Variants in PBX3 observed in about 807,000 individuals in gnomAD.
The protein encoded by PBX3 is PBX homeobox 3.
Under a neutral mutation model 48.5 loss-of-function variants are expected in PBX3, and 14 were observed. The ratio of observed to expected loss-of-function variants is 0.29; its 90% CI spans 0.19 to 0.45. The LOEUF (loss-of-function observed/expected upper bound fraction) is 0.45. Among genes scored for constraint, PBX3 ranks in the 20% least tolerant of loss-of-function variants. The pLI is 1.00. For synonymous variants in PBX3, 210 were observed against 200.3 expected, an observed-to-expected ratio of 1.05 and a Z score of -0.41; for missense variants, 386 against 546.7, an observed-to-expected ratio of 0.71 and a Z score of 2.93.
intron 5 of PBX3, 65 bp downstream of exon 5, chr9:125,935,672 G>A: frequency 4.3e-6 from 6 of 1,400,638 alleles, no homozygotes; most frequent in African/African-American, 1.4e-5. Context: ...CCTTCCTCAG[G>A]GCATTATTAT....
At chr9:125,779,882 CG>C (rs1338583145) in intron 2 of PBX3, among the ~76,000 whole-genome samples, 2 of 120,152 alleles carry the variant, frequency 1.7e-5, no homozygotes, top group Non-Finnish European at 3.5e-5. Flanking sequence ...GCTGGCCGGG[CG>C]GGGGGCTGAC....
intron 2 of PBX3, among the ~76,000 whole-genome samples, chr9:125,832,320 C>G (rs559801768): frequency 6.6e-6 from 1 of 151,950 alleles, no homozygotes; most frequent in Non-Finnish European, 1.5e-5. Context: ...CTCAGCCTCC[C>G]GAGTAGCTGG....
intron 2 of PBX3, among the ~76,000 whole-genome samples, chr9:125,847,004 T>C (rs1839442567): frequency 6.6e-6 from 1 of 152,028 alleles, no homozygotes; most frequent in Admixed American, 6.6e-5. Flanking sequence ...TGGTATAGTT[T>C]AACATGTTCT....
intron 3 of PBX3, among the ~76,000 whole-genome samples, chr9:125,920,108 CAA>C (rs1841425209): frequency 6.6e-6 from 1 of 152,100 alleles, no homozygotes. Context: ...CAAAAGGAAA[CAA>C]AACTATTTTA....
chr9:125,880,891 A>G (rs1276090343), intron 2 of PBX3, among the ~76,000 whole-genome samples: 1 of 152,236 alleles, frequency 6.6e-6, no homozygotes, highest in Non-Finnish European at 1.5e-5. Flanking sequence ...TAGAAATAAA[A>G]AACTGTCTTA....
intron 5 of PBX3, among the ~76,000 whole-genome samples, chr9:125,956,861 G>T (rs1378743973): frequency 6.6e-6 from 1 of 152,178 alleles, no homozygotes; most frequent in Non-Finnish European, 1.5e-5. Context: ...GTTCAGAGAT[G>T]GAGCAAGCTC....
intron 2 of PBX3, among the ~76,000 whole-genome samples, chr9:125,872,551 G>A (rs1336101501): frequency 6.6e-6 from 1 of 152,006 alleles, no homozygotes; most frequent in East Asian, 1.9e-4. Context: ...GTCCAGCTGG[G>A]AATTCCAGAC....
intron 2 of PBX3, 180 bp downstream of exon 2, chr9:125,748,803 C>T (rs554905807): frequency 4.7e-5 from 24 of 512,138 alleles, no homozygotes; most frequent in African/African-American, 3.8e-4. Context: ...TTTCTCAGTT[C>T]TGCTCCTGGT....
At chr9:125,836,387 G>A (rs1380148231) in intron 2 of PBX3, among the ~76,000 whole-genome samples, 1 of 152,128 alleles carries the variant, frequency 6.6e-6, no homozygotes, top group Non-Finnish European at 1.5e-5. Context: ...GGAGCTTGCA[G>A]TGAGCCGAGA....
At chr9:125,780,697 A>C (rs867062039) in intron 2 of PBX3, among the ~76,000 whole-genome samples, 53 of 44,924 alleles carry the variant, frequency 1.2e-3, no homozygotes, top group South Asian at 3.9e-3. Context: ...GGGGCTGACC[A>C]CCCCCACCTC....
intron 2 of PBX3, among the ~76,000 whole-genome samples, chr9:125,835,974 GAA>G (rs1839122190): frequency 6.6e-6 from 1 of 152,156 alleles, no homozygotes; most frequent in Admixed American, 6.5e-5. Context: ...AATGGATAAA[GAA>G]AATGTGATAC....
At chr9:125,842,625 A>G (rs555106775) in intron 2 of PBX3, among the ~76,000 whole-genome samples, 23 of 152,280 alleles carry the variant, frequency 1.5e-4, no homozygotes, top group African/African-American at 4.1e-4. Flanking sequence ...TTAGGAGAGA[A>G]CAGTTGAAGT....
chr9:125,749,471 A>G (rs1263312785), intron 2 of PBX3: 6 of 151,896 alleles, frequency 4.0e-5, no homozygotes, highest in Non-Finnish European at 8.8e-5. Flanking sequence ...TGGATGTTTT[A>G]GTTTGTATTT....
intron 2 of PBX3, among the ~76,000 whole-genome samples, chr9:125,809,568 C>T (rs1293359245): frequency 1.3e-5 from 2 of 151,822 alleles, no homozygotes; most frequent in Non-Finnish European, 2.9e-5. Flanking sequence ...ATTACCATCT[C>T]AATTAAACAG....
chr9:125,761,104 G>A (rs1836654095), intron 2 of PBX3, among the ~76,000 whole-genome samples: 1 of 152,108 alleles, frequency 6.6e-6, no homozygotes, highest in Admixed American at 6.5e-5. Flanking sequence ...AGATGCAAAT[G>A]TAACTGGATA....
At chr9:125,803,024 A>T (rs1416809859) in intron 2 of PBX3, among the ~76,000 whole-genome samples, 1 of 151,546 alleles carries the variant, frequency 6.6e-6, no homozygotes, top group Non-Finnish European at 1.5e-5. Flanking sequence ...TATAACCATA[A>T]CACAATTATT....
At chr9:125,855,996 A>G (rs1839710696) in intron 2 of PBX3, among the ~76,000 whole-genome samples, 1 of 152,166 alleles carries the variant, frequency 6.6e-6, no homozygotes, top group South Asian at 2.1e-4. Context: ...TTACAACATA[A>G]TATCATGTCA....
intron 2 of PBX3, among the ~76,000 whole-genome samples, chr9:125,779,878 C>T (rs1218837871): frequency 3.9e-5 from 5 of 129,498 alleles, no homozygotes; most frequent in Non-Finnish European, 4.9e-5. Context: ...GGCGGCTGGC[C>T]GGGCGGGGGG....
intron 2 of PBX3, among the ~76,000 whole-genome samples, chr9:125,800,921 T>A (rs1837924935): frequency 1.3e-5 from 2 of 151,916 alleles, no homozygotes; most frequent in Admixed American, 1.3e-4. Context: ...CCTGGCTAAT[T>A]TTTGTATTTT....
Sources: gnomAD v4.1 joint callset for allele counts (sites outside exome capture counted in the v4.1 genomes callset) on GRCh38, gnomAD v4.1.1 for gene constraint, MANE v1.5 for transcripts, NCBI Gene and HGNC (gene_info 2026-07-23, HGNC 2026-07-21) for gene names.